KIF1B: variants seen among roughly 807,000 people sequenced by gnomAD.
The protein encoded by KIF1B is kinesin family member 1B.
Under a neutral mutation model 241.9 loss-of-function variants are expected in KIF1B, and 76 were observed. The observed-to-expected ratio is 0.31, with a 90% CI of 0.26 to 0.38. The LOEUF (loss-of-function observed/expected upper bound fraction) is 0.38. KIF1B is among the 10% of genes least tolerant of loss of function. The pLI is 1.00. For missense variants in KIF1B, 1,622 were observed against 2,271.4 expected (o/e 0.71, Z 5.81); for synonymous variants, 750 against 796.7 (o/e 0.94, Z 0.99).
intron 24 of KIF1B, among the ~76,000 whole-genome samples, chr1:10,323,149 TC>T (rs1320017653): frequency 6.6e-6 from 1 of 152,112 alleles, no homozygotes; most frequent in Non-Finnish European, 1.5e-5. Flanking sequence ...GGTGTGAACT[TC>T]CGTGCCCAGC....
chr1:10,353,686 C>A (rs1252716117), intron 38 of KIF1B, among the ~76,000 whole-genome samples: 2 of 152,138 alleles, frequency 1.3e-5, no homozygotes, highest in Non-Finnish European at 2.9e-5. Context: ...GGATTAATTT[C>A]TTTCTGTTGT....
At chr1:10,324,177 A>G (rs1651633091) in intron 25 of KIF1B, 115 bp downstream of exon 25, 5 of 1,042,592 alleles carry the variant, frequency 4.8e-6, no homozygotes, top group Middle Eastern at 2.6e-4. Flanking sequence ...ACTTCCCTGT[A>G]CTTTCTAAAT....
intron 5 of KIF1B, among the ~76,000 whole-genome samples, chr1:10,263,177 G>A (rs1648244653): frequency 1.3e-5 from 2 of 151,704 alleles, no homozygotes; most frequent in African/African-American, 4.8e-5. Flanking sequence ...CCAGCTACTC[G>A]GGAGGCTGAG....
chr1:10,262,421 G>C (rs766448138), intron 5 of KIF1B, among the ~76,000 whole-genome samples: 1 of 152,164 alleles, frequency 6.6e-6, no homozygotes, highest in South Asian at 2.1e-4. Flanking sequence ...AAGTGCTGGG[G>C]TTGCAGTGTG....
chr1:10,219,400 C>T (rs1191488225), intron 1 of KIF1B, among the ~76,000 whole-genome samples: 1 of 150,700 alleles, frequency 6.6e-6, no homozygotes, highest in Non-Finnish European at 1.5e-5. Context: ...GCGGAGGTTG[C>T]AGTGAGCCGA....
intron 35 of KIF1B, among the ~76,000 whole-genome samples, chr1:10,347,099 A>G (rs1382393187): frequency 6.6e-6 from 1 of 152,252 alleles, no homozygotes; most frequent in East Asian, 1.9e-4. Flanking sequence ...AATCATCTCT[A>G]AAATGCTTTT....
rs892170472 is a variant in KIF1B, at chr1:10,380,803, A to G, written c.*4216A>G. 5 of 219,376 alleles carry G rather than the reference A, an allele frequency of 2.3e-5. No individual in the cohort carries two copies. The highest frequency in any genetic ancestry group is 5.8e-5 in the Admixed American group (1 of 17,324). The allele number at this position is 219,376 out of a possible 1,614,324, so 13.6% of individuals were successfully genotyped here. A position where few individuals can be genotyped will look rare whatever the true frequency, so the allele number is the denominator to read the frequency against. On this transcript the variant is annotated 3_prime_UTR_variant, in exon 49 of 49. Coordinates refer to ENST00000676179, the MANE Select transcript of KIF1B (RefSeq NM_001365951.3). ...CTTGTGTGCACTACAGTTGTTCACC[A>G]GGGCCAGTGATTCACCCCAGTGTGT...
At chr1:10,289,155 C>T (rs1334780798) in intron 15 of KIF1B, among the ~76,000 whole-genome samples, 3 of 152,124 alleles carry the variant, frequency 2.0e-5, no homozygotes, top group Non-Finnish European at 4.4e-5. Context: ...ATGTGCTCGT[C>T]CCCCTTTTTT....
At chr1:10,357,748 C>A (rs958366707) in intron 38 of KIF1B, among the ~76,000 whole-genome samples, 1 of 151,740 alleles carries the variant, frequency 6.6e-6, no homozygotes, top group Non-Finnish European at 1.5e-5. Flanking sequence ...GTGGCTCACA[C>A]CTGTAATCCC....
At chr1:10,268,578 G>A (rs1488589822) in intron 7 of KIF1B, among the ~76,000 whole-genome samples, 3 of 150,556 alleles carry the variant, frequency 2.0e-5, no homozygotes, top group Non-Finnish European at 4.4e-5. Context: ...TCTTCTTCTT[G>A]ACTGAACCTT....
chr1:10,348,624 A>C, intron 36 of KIF1B, 25 bp from the exon 37 acceptor site: 2 of 1,597,094 alleles, frequency 1.3e-6, no homozygotes, highest in East Asian at 4.5e-5. Context: ...CTTCAGCTAA[A>C]TTGCAACCCT....
In KIF1B at chr1:10,365,706, C is replaced by T. The variant is rs932007301; in HGVS notation, c.4752+58C>T. On this transcript the variant is annotated intron_variant, in intron 43 of 48. Transcript: ENST00000676179. The surrounding 1 kb of genome is among the most constrained non-coding windows in gnomAD (Gnocchi z 4.0). The stretch of plus-strand genomic sequence containing the variant: ...CCCACAAGGCTCCACAAACTAGCCT[C>T]TCGGTTTATTCATTTTCAACACCTT... 6 of 1,609,168 alleles carry T rather than the reference C, an allele frequency of 3.7e-6. No homozygotes were observed. The African/African-American group carries it at 4.0e-5, about 11-fold the overall frequency.
At chr1:10,307,717 T>C in intron 22 of KIF1B, 1 of 1,025,384 alleles carries the variant, frequency 9.8e-7, no homozygotes, top group South Asian at 4.6e-5. Flanking sequence ...CCCTAGCTAT[T>C]ATTATAGCAA....
chr1:10,277,920 G>A, intron 12 of KIF1B, 66 bp from the exon 13 acceptor site: 3 of 1,355,142 alleles, frequency 2.2e-6, no homozygotes, highest in East Asian at 2.4e-5. Context: ...AGAGATAATA[G>A]TATGTTACTT....
intron 13 of KIF1B, 78 bp from the exon 14 acceptor site, chr1:10,279,019 C>G: frequency 9.9e-7 from 1 of 1,013,666 alleles, no homozygotes; most frequent in South Asian, 1.5e-5. Flanking sequence ...ATGCCAAAAA[C>G]TGCTCTGTTC....
chr1:10,276,306 G>T lies in KIF1B; in HGVS notation c.959-15G>T. On this transcript the variant is annotated splice_polypyrimidine_tract_variant and intron_variant, in intron 11 of 48. Coordinates refer to ENST00000676179, the MANE Select transcript of KIF1B (RefSeq NM_001365951.3). ...AAAATGAGTGTGATTTGATACTCAT[G>T]ATTAATCTTTTTAGGTGGCAATTCT... 2 of 1,599,370 alleles carry T rather than the reference G, an allele frequency of 1.3e-6. No individual in the cohort carries two copies. Among genetic ancestry groups the T allele is most frequent in the South Asian group, 2.2e-5 (2 of 90,684 alleles).
At chr1:10,355,979 T>C (rs976795917) in intron 38 of KIF1B, among the ~76,000 whole-genome samples, 7 of 152,160 alleles carry the variant, frequency 4.6e-5, no homozygotes, top group Admixed American at 3.3e-4. Context: ...CCTGGTTTGG[T>C]ATTAAAGGAA....
intron 5 of KIF1B, among the ~76,000 whole-genome samples, chr1:10,264,926 G>T (rs1648365645): frequency 6.6e-6 from 1 of 152,212 alleles, no homozygotes; most frequent in Non-Finnish European, 1.5e-5. Flanking sequence ...CTCCCAAAGG[G>T]CTGGGATTAT....
At chr1:10,249,249 CA>C (rs1317139905) in intron 2 of KIF1B, among the ~76,000 whole-genome samples, 1 of 152,150 alleles carries the variant, frequency 6.6e-6, no homozygotes, top group Non-Finnish European at 1.5e-5. Flanking sequence ...AGAAGTCCAA[CA>C]CACTATTTTA....
Sources: allele counts gnomAD v4.1 joint callset (sites outside exome capture counted in the v4.1 genomes callset), GRCh38; gene constraint gnomAD v4.1.1; non-coding constraint Gnocchi (gnomAD v3.1); transcripts MANE v1.5; gene names NCBI Gene and HGNC (gene_info 2026-07-23, HGNC 2026-07-21).